MAPRE2: variants seen among roughly 807,000 people sequenced by gnomAD.
MAPRE2 encodes microtubule associated protein RP/EB family member 2.
A neutral mutation model predicts 43.2 loss-of-function variants in MAPRE2; 13 were observed. That is an observed-to-expected ratio of 0.30 (90% confidence interval 0.20 to 0.48). MAPRE2 has a LOEUF of 0.48. Ranked by LOEUF, MAPRE2 falls within the 20% of genes least tolerant of loss-of-function variation. MAPRE2 has a pLI of 0.99. For synonymous variants in MAPRE2, 135 were observed against 148.8 expected (o/e 0.91, Z 0.68); for missense variants, 161 against 400.2 (o/e 0.40, Z 5.10).
intron 2 of MAPRE2, among the ~76,000 whole-genome samples, chr18:35,018,695 A>T (rs2097040040): frequency 6.6e-6 from 1 of 151,298 alleles, no homozygotes. Flanking sequence ...TTCCAATTGT[A>T]CTTATTTTGA....
intron 1 of MAPRE2, among the ~76,000 whole-genome samples, chr18:34,985,746 ATATG>A (rs1333948142): frequency 8.8e-6 from 1 of 113,544 alleles, no homozygotes; most frequent in East Asian, 2.5e-4. Context: ...TATATATTAT[ATATG>A]TAATATATAA....
rs1174202842 is a variant in MAPRE2, at chr18:35,132,202, G to A, written c.909+12G>A. 6.2e-7 allele frequency: 1 copy of A among 1,613,270 alleles called. No individual in the cohort carries two copies. Among genetic ancestry groups the A allele is most frequent in the Non-Finnish European group, 8.5e-7 (1 of 1,179,422 alleles). On this transcript the variant is annotated intron_variant, in intron 6 of 6. Transcript: ENST00000300249. The stretch of plus-strand genomic sequence containing the variant: ...CTTCAGAAGAACACGTAAGTGTGAG[G>A]AGCATGTGACTCCTGTGTTCTAAAA...
chr18:35,036,077 A>G (rs950083255), intron 2 of MAPRE2, among the ~76,000 whole-genome samples: 6 of 151,546 alleles, frequency 4.0e-5, no homozygotes, highest in Middle Eastern at 3.2e-3. Context: ...GAGAAACTTT[A>G]TCGCAAAAGA....
intron 1 of MAPRE2, among the ~76,000 whole-genome samples, chr18:34,978,754 T>C (rs2097014558): frequency 6.6e-6 from 1 of 152,112 alleles, no homozygotes; most frequent in Admixed American, 6.6e-5. Flanking sequence ...ACCGAGTGAT[T>C]GGTAGATAAG....
At chr18:35,034,777 G>A (rs1401815023) in intron 2 of MAPRE2, among the ~76,000 whole-genome samples, 2 of 152,218 alleles carry the variant, frequency 1.3e-5, no homozygotes, top group African/African-American at 2.4e-5. Context: ...ACCATCACTG[G>A]CCATCACAGA....
intron 1 of MAPRE2, among the ~76,000 whole-genome samples, chr18:35,059,207 A>T (rs1484509279): frequency 6.6e-6 from 1 of 152,196 alleles, no homozygotes; most frequent in African/African-American, 2.4e-5. Flanking sequence ...CAACTGGTTG[A>T]TAGTTCTGGA....
At chr18:35,121,121 A>T (rs1318273926) in intron 4 of MAPRE2, among the ~76,000 whole-genome samples, 5 of 152,240 alleles carry the variant, frequency 3.3e-5, no homozygotes, top group African/African-American at 1.2e-4. Context: ...ATTCCAGCAG[A>T]GTCTTGGCCA....
chr18:35,032,688 T>G (rs2150592968), intron 2 of MAPRE2, among the ~76,000 whole-genome samples: 1 of 152,310 alleles, frequency 6.6e-6, no homozygotes, highest in East Asian at 1.9e-4. Context: ...TTTTTTGTTT[T>G]GTTTTTTTGT....
At chr18:35,137,243 A>G (rs547021993) in intron 6 of MAPRE2, among the ~76,000 whole-genome samples, 1 of 152,234 alleles carries the variant, frequency 6.6e-6, no homozygotes, top group East Asian at 1.9e-4. Context: ...CTGCAGATGC[A>G]TGACATCACA....
At chr18:35,123,773 A>G (rs1378481080) in intron 4 of MAPRE2, among the ~76,000 whole-genome samples, 1 of 152,216 alleles carries the variant, frequency 6.6e-6, no homozygotes, top group Non-Finnish European at 1.5e-5. Flanking sequence ...TGCCTCTGCT[A>G]GGTCTTATAT....
At chr18:35,094,657 T>C (rs991755761) in intron 2 of MAPRE2, among the ~76,000 whole-genome samples, 3 of 152,084 alleles carry the variant, frequency 2.0e-5, no homozygotes, top group East Asian at 1.9e-4. Flanking sequence ...GAACAATCTA[T>C]AGGAAAAATG....
intron 2 of MAPRE2, among the ~76,000 whole-genome samples, chr18:35,095,974 T>C (rs1908397615): frequency 1.3e-5 from 2 of 152,178 alleles, no homozygotes; most frequent in Admixed American, 6.5e-5. Flanking sequence ...TCTAGAGATA[T>C]TCGTTATGGC....
At chr18:35,125,192 C>T (rs542785875) in intron 4 of MAPRE2, among the ~76,000 whole-genome samples, 105 of 152,160 alleles carry the variant, frequency 6.9e-4, no homozygotes, top group Non-Finnish European at 1.2e-3. Flanking sequence ...GACTTGCATC[C>T]GGAGCTAATG....
At chr18:35,015,526 G>A (rs908384020) in intron 2 of MAPRE2, among the ~76,000 whole-genome samples, 3 of 151,954 alleles carry the variant, frequency 2.0e-5, no homozygotes, top group African/African-American at 4.8e-5. Flanking sequence ...GGACCCAAGC[G>A]GGTGTGAATG....
At position 35,140,707 on chromosome 18, in the gene MAPRE2, A is replaced by C; in HGVS notation, c.*338A>C. ...CACCACTGCCACCACCCCTCTTTTT[A>C]TCCTGGTGTGAAACAATGGTAATTT... On this transcript the variant is annotated 3_prime_UTR_variant, in exon 7 of 7. Coordinates refer to ENST00000300249, the MANE Select transcript of MAPRE2 (RefSeq NM_014268.4). 1.1e-5 allele frequency: 3 copies of C among 281,050 alleles called. No individual in the cohort carries two copies. Among genetic ancestry groups the C allele is most frequent in the African/African-American group, 2.1e-5 (1 of 46,934 alleles). 17.4% of individuals were successfully genotyped at this position (281,050 alleles called of 1,614,324 possible). A position where few individuals can be genotyped will look rare whatever the true frequency, so the allele number is the denominator to read the frequency against.
intron 5 of MAPRE2, among the ~76,000 whole-genome samples, chr18:35,129,831 T>C (rs1192667307): frequency 6.6e-6 from 1 of 152,194 alleles, no homozygotes; most frequent in Non-Finnish European, 1.5e-5. Context: ...CTACAGCATC[T>C]CCTTCATTGC....
At chr18:35,009,705 C>G (rs1164249103) in intron 2 of MAPRE2, among the ~76,000 whole-genome samples, 4 of 152,204 alleles carry the variant, frequency 2.6e-5, no homozygotes, top group African/African-American at 4.8e-5. Flanking sequence ...ATCGGTGAGA[C>G]CTACAACTTG....
At chr18:35,075,460 C>T (rs1461130469) in intron 2 of MAPRE2, among the ~76,000 whole-genome samples, 1 of 152,162 alleles carries the variant, frequency 6.6e-6, no homozygotes, top group African/African-American at 2.4e-5. Flanking sequence ...CTCTTATTGG[C>T]TCTCTGGTAT....
rs184355836 is a variant in MAPRE2, at chr18:35,140,494, A to G, written c.*125A>G. 2 of 925,694 alleles carry G rather than the reference A, an allele frequency of 2.2e-6. No individual in the cohort carries two copies. Among genetic ancestry groups the G allele is most frequent in the Non-Finnish European group, 3.3e-6 (2 of 611,608 alleles). 57.3% of individuals were successfully genotyped at this position (925,694 alleles called of 1,614,324 possible). ...CCCAATCTGCCGTTACCATCAACGC[A>G]CTGTTGCATATGCCAGCCACTGCGC... On this transcript the variant is annotated 3_prime_UTR_variant, in exon 7 of 7. Transcript: ENST00000300249.
Sources: gnomAD v4.1 joint callset for allele counts (sites outside exome capture counted in the v4.1 genomes callset) on GRCh38, gnomAD v4.1.1 for gene constraint, MANE v1.5 for transcripts, NCBI Gene and HGNC (gene_info 2026-07-23, HGNC 2026-07-21) for gene names.